Variants in KCNJ10 observed in about 807,000 individuals in gnomAD.
KCNJ10 encodes the protein ATP-sensitive inward rectifier potassium channel 10.
Under a neutral mutation model 22.2 loss-of-function variants are expected in KCNJ10, and 9 were observed. The observed-to-expected ratio is 0.40, with a 90% confidence interval of 0.24 to 0.71. The LOEUF (loss-of-function observed/expected upper bound fraction) is 0.71, where lower values mean the gene tolerates loss of function less well. Among genes scored for constraint, KCNJ10 ranks in the 30% least tolerant of loss-of-function variants. The probability of loss-of-function intolerance (pLI) is 0.35; values close to 1 mark genes in which losing one functional copy is unlikely to be tolerated. For missense variants in KCNJ10, 337 were observed against 482.7 expected (o/e 0.70, Z 2.83); for synonymous variants, 184 against 187.3 (o/e 0.98, Z 0.15).
intron 1 of KCNJ10, among the ~76,000 whole-genome samples, chr1:160,056,281 G>T (rs1444179564): frequency 2.6e-5 from 4 of 152,088 alleles, no homozygotes; most frequent in Admixed American, 2.0e-4. Context: ...TCTTCAAAAA[G>T]TTCCCACAGC....
At chr1:160,043,767 G>A (rs1051026403) in intron 1 of KCNJ10, among the ~76,000 whole-genome samples, 1 of 152,248 alleles carries the variant, frequency 6.6e-6, no homozygotes, top group Non-Finnish European at 1.5e-5. Flanking sequence ...TCTGATAGCA[G>A]AAAGTGGGGC....
At position 160,040,289 on chromosome 1, in the gene KCNJ10, AC is replaced by A. The variant is rs1471137248; in HGVS notation, c.*1103del. Reference sequence around the variant, plus strand: ...CAGCAGTTTGGAAATCTGAGAATTTACCCATCCCTCATGGTGGGATTGTGTT... The same window carrying A: ...CAGCAGTTTGGAAATCTGAGAATTTACCATCCCTCATGGTGGGATTGTGTT... On this transcript the variant is annotated 3_prime_UTR_variant, in exon 2 of 2. Transcript: ENST00000644903. 2 of 366,462 alleles carry A rather than the reference AC, an allele frequency of 5.5e-6. No individual in the cohort carries two copies. The highest frequency in any genetic ancestry group is 4.2e-5 in the African/African-American group (2 of 48,026). 22.7% of individuals were successfully genotyped at this position (366,462 alleles called of 1,614,324 possible).
Position 160,042,406 on chromosome 1 carries a change from G to A in KCNJ10, c.127C>T (p.His43Tyr). The A allele has an allele frequency of 6.2e-7, 1 of 1,614,198 alleles. No individual in the cohort carries two copies. The highest frequency in any genetic ancestry group is 2.2e-5 in the East Asian group (1 of 44,876). The part of the protein sequence containing the change: ...KDGRSNVRME[H>Y]IADKRFLYLK... ...TAGAGGAAGCGCTTGTCGGCAATGTGCTCCATTCTCACGTTGCTGCGACCA... is the reference window on the plus strand; with the variant it reads ...TAGAGGAAGCGCTTGTCGGCAATGTACTCCATTCTCACGTTGCTGCGACCA... The change falls in exon 2 of 2, where the codon CAC becomes TAC. Residue 43 changes from histidine (H) to tyrosine (Y), a missense_variant. By Grantham distance (83) the His-to-Tyr change is moderately conservative (BLOSUM62 2). Around this residue, in one of 3 missense-constraint regions of KCNJ10, gnomAD observed 107 missense variants for 135.2 expected, o/e 0.79. Transcript: ENST00000644903.
chr1:160,049,690 T>TGTTATCCTAA (rs1648847817), intron 1 of KCNJ10, among the ~76,000 whole-genome samples: 1 of 112,744 alleles, frequency 8.9e-6, no homozygotes, highest in Non-Finnish European at 1.8e-5. Flanking sequence ...TATATATATA[T>TGTTATCCTAA]ATATATATAT....
chr1:160,068,419 C>T (rs908298234), intron 1 of KCNJ10, among the ~76,000 whole-genome samples: 1 of 152,120 alleles, frequency 6.6e-6, no homozygotes, highest in African/African-American at 2.4e-5. Context: ...TTGGCAAGGG[C>T]TTTGGGAGGC....
chr1:160,065,485 C>T (rs954143294), intron 1 of KCNJ10, among the ~76,000 whole-genome samples: 3 of 152,110 alleles, frequency 2.0e-5, no homozygotes, highest in Admixed American at 6.5e-5. Context: ...CCTCCAACAT[C>T]GCCATGCATG....
chr1:160,047,386 G>A (rs555823420), intron 1 of KCNJ10, among the ~76,000 whole-genome samples: 1 of 152,298 alleles, frequency 6.6e-6, no homozygotes, highest in African/African-American at 2.4e-5. Flanking sequence ...AGCTGCACCA[G>A]CAGGGAAAGT....
intron 1 of KCNJ10, among the ~76,000 whole-genome samples, chr1:160,060,365 G>A (rs1286423730): frequency 2.0e-5 from 3 of 152,114 alleles, no homozygotes; most frequent in South Asian, 2.1e-4. Flanking sequence ...AACATTTGGA[G>A]CAAAAGAATC....
intron 1 of KCNJ10, among the ~76,000 whole-genome samples, chr1:160,049,973 A>AT (rs1483779656): frequency 1.3e-5 from 2 of 151,052 alleles, no homozygotes; most frequent in African/African-American, 2.4e-5. Context: ...TCTTCTCTTG[A>AT]TTTTTTAATG....
In KCNJ10 at chr1:160,055,112, A is replaced by T. The variant is rs1224660870; in HGVS notation, c.1-12580T>A. On this transcript the variant is annotated intron_variant, in intron 1 of 1. Transcript: ENST00000644903. Reference sequence around the variant, plus strand: ...TCCTTTTACTATTAGGTTGAATTCTATGAAATCATCCATTTAATACATGGG... The same window carrying T: ...TCCTTTTACTATTAGGTTGAATTCTTTGAAATCATCCATTTAATACATGGG... Among the ~76,000 whole-genome samples the T allele has an allele frequency of 2.6e-5, 4 of 152,210 alleles. No homozygotes were observed. In the East Asian group the frequency reaches 7.7e-4, roughly 29 times the overall value.
rs1465057753 is a variant in KCNJ10 at position 160,037,501 on chromosome 1, C to A, written c.*3892G>T. 2 of 152,138 alleles carry A rather than the reference C, an allele frequency of 1.3e-5. No individual in the cohort carries two copies. Among genetic ancestry groups the A allele is most frequent in the Non-Finnish European group, 2.9e-5 (2 of 68,020 alleles). The allele number at this position is 152,138 out of a possible 1,614,324, so 9.4% of individuals were successfully genotyped here. ...AAGAGTCATCCATTTTATTTAGTAG[C>A]TTATTTTTAACAGACAAAAACAAAA... On this transcript the variant is annotated 3_prime_UTR_variant, in exon 2 of 2. Coordinates refer to ENST00000644903, the MANE Select transcript of KCNJ10 (RefSeq NM_002241.5).
At chr1:160,043,348 A>G (rs1462388813) in intron 1 of KCNJ10, among the ~76,000 whole-genome samples, 3 of 149,436 alleles carry the variant, frequency 2.0e-5, no homozygotes, top group Non-Finnish European at 4.4e-5. Context: ...CTCTACCCCC[A>G]AGCCAATACC....
chr1:160,060,949 G>A (rs1649175982), intron 1 of KCNJ10, among the ~76,000 whole-genome samples: 1 of 152,184 alleles, frequency 6.6e-6, no homozygotes, highest in African/African-American at 2.4e-5. Flanking sequence ...GCAGGAGTGG[G>A]GCCGGTAGGA....
chr1:160,048,656 C>T (rs536366461), intron 1 of KCNJ10, among the ~76,000 whole-genome samples: 35 of 152,330 alleles, frequency 2.3e-4, no homozygotes, highest in African/African-American at 8.4e-4. Context: ...AAAATCCTTT[C>T]TTCTCCTACT....
Position 160,049,678 on chromosome 1 carries a change from TATATATA to T in KCNJ10, c.1-7153_1-7147del, listed in dbSNP as rs1557970335. Among the ~76,000 whole-genome samples, 124 of 51,982 alleles carry T rather than the reference TATATATA, an allele frequency of 2.4e-3. 2 individuals carry two copies. Among genetic ancestry groups the T allele is most frequent in the Admixed American group, 4.2e-3 (20 of 4,768 alleles). 34.1% of individuals were successfully genotyped at this position (51,982 alleles called of 152,430 possible). A position where few individuals can be genotyped will look rare whatever the true frequency, so the allele number is the denominator to read the frequency against. ...AAGGATCCAGCATTTTATTTATTTA[TATATATA>T]TATATATATATATATATATATATAT... On this transcript the variant is annotated intron_variant, in intron 1 of 1. Transcript: ENST00000644903.
chr1:160,051,297 A>C (rs181168768), intron 1 of KCNJ10, among the ~76,000 whole-genome samples: 15 of 152,186 alleles, frequency 9.9e-5, no homozygotes, highest in Admixed American at 7.9e-4. Flanking sequence ...CCTCTTGCAA[A>C]TGTTTGGTTC....
At position 160,039,831 on chromosome 1, in the gene KCNJ10, C is replaced by T. The variant is rs1015162991; in HGVS notation, c.*1562G>A. On this transcript the variant is annotated 3_prime_UTR_variant, in exon 2 of 2. Transcript: ENST00000644903. Reference sequence around the variant, plus strand: ...CTTATAGTGGGACTATGCAGTACCACTATGTGAGGCTTCCTTGGTACCAAA... The same window carrying T: ...CTTATAGTGGGACTATGCAGTACCATTATGTGAGGCTTCCTTGGTACCAAA... 1 of 152,228 alleles carries T rather than the reference C, an allele frequency of 6.6e-6. No homozygotes were observed. The highest frequency in any genetic ancestry group is 2.4e-5 in the African/African-American group (1 of 41,438). The allele number at this position is 152,228 out of a possible 1,614,324, so 9.4% of individuals were successfully genotyped here. A position where few individuals can be genotyped will look rare whatever the true frequency, so the allele number is the denominator to read the frequency against.
intron 1 of KCNJ10, among the ~76,000 whole-genome samples, chr1:160,051,754 T>C (rs1194676256): frequency 6.6e-6 from 1 of 152,070 alleles, no homozygotes; most frequent in Non-Finnish European, 1.5e-5. Context: ...GATTTGTCTT[T>C]ATTCTCCCCA....
At chr1:160,052,767 G>A (rs867009129) in intron 1 of KCNJ10, among the ~76,000 whole-genome samples, 1 of 152,068 alleles carries the variant, frequency 6.6e-6, no homozygotes, top group African/African-American at 2.4e-5. Flanking sequence ...TCAGCCTCTC[G>A]GATCTGTATT....
Sources: allele counts gnomAD v4.1 joint callset (sites outside exome capture counted in the v4.1 genomes callset), GRCh38; gene constraint gnomAD v4.1.1; regional missense constraint gnomAD v4.1.1; transcripts MANE v1.5; gene names NCBI Gene and HGNC (gene_info 2026-07-23, HGNC 2026-07-21).